ADGRL2: variants seen among roughly 807,000 people sequenced by gnomAD.
The protein encoded by ADGRL2 is calcium-independent alpha-latrotoxin receptor 2.
ADGRL2 carries 44 observed loss-of-function variants against 157.4 expected under a neutral mutation model. The observed-to-expected ratio is 0.28, with a 90% CI of 0.22 to 0.36. The LOEUF is 0.36. ADGRL2 is among the 10% of genes least tolerant of loss of function. ADGRL2 has a pLI of 1.00. For missense variants in ADGRL2, 1,510 were observed against 1,768.9 expected (o/e 0.85, Z 2.63); for synonymous variants, 585 against 624.7 (o/e 0.94, Z 0.95).
At chr1:81,823,323 C>T (rs1248052710) in intron 1 of ADGRL2, among the ~76,000 whole-genome samples, 1 of 149,046 alleles carries the variant, frequency 6.7e-6, no homozygotes. Flanking sequence ...TTTTTTCTCT[C>T]CTTCCTTCCT....
At chr1:81,474,274 G>C (rs1408271839) in intron 2 of ADGRL2, among the ~76,000 whole-genome samples, 2 of 152,188 alleles carry the variant, frequency 1.3e-5, no homozygotes, top group East Asian at 1.9e-4. Context: ...TTTATTGTCT[G>C]TCTCCCCCAT....
Position 81,710,284 on chromosome 1 carries a change from CT to C in ADGRL2, c.-143+10481del, listed in dbSNP as rs71812373. ...CCTTTCTATAGCAGTGTTTCTCAAA[CT>C]TTTTGAGCTAATAACCCATTTCTAC... On this transcript the variant is annotated intron_variant, in intron 1 of 20. Transcript: ENST00000359929. Among the ~76,000 whole-genome samples the C allele has an allele frequency of 5.9e-3, 898 of 152,092 alleles. 22 individuals carry two copies. The East Asian group carries it at 0.08, about 13-fold the overall frequency.
At chr1:81,775,033 T>C (rs1263071853) in intron 2 of ADGRL2, among the ~76,000 whole-genome samples, 1 of 152,180 alleles carries the variant, frequency 6.6e-6, no homozygotes, top group Non-Finnish European at 1.5e-5. Context: ...TTATTTCTCT[T>C]GTAGTTGTTT....
intron 4 of ADGRL2, 74 bp from the exon 5 acceptor site, chr1:81,941,960 G>A: frequency 2.8e-6 from 2 of 704,420 alleles, no homozygotes; most frequent in Middle Eastern, 2.4e-4. Flanking sequence ...TAGACTAATA[G>A]TCAATTTATT....
intron 3 of ADGRL2, among the ~76,000 whole-genome samples, chr1:81,600,692 T>G (rs949630738): frequency 6.6e-6 from 1 of 152,210 alleles, no homozygotes; most frequent in Admixed American, 6.5e-5. Context: ...GAATGAGAGA[T>G]AAAACATGCC....
intron 1 of ADGRL2, among the ~76,000 whole-genome samples, chr1:81,802,058 C>A (rs34883869): frequency 8.0e-5 from 12 of 150,342 alleles, no homozygotes; most frequent in Non-Finnish European, 1.5e-4. Flanking sequence ...GCTGCGGCGC[C>A]GTGTCCGGCC....
intron 23 of ADGRL2, chr1:81,989,762 C>T (rs547970032): frequency 6.3e-7 from 1 of 1,597,008 alleles, no homozygotes; most frequent in South Asian, 1.1e-5. Flanking sequence ...CTTGTGGGCC[C>T]CTGGTCCAGT....
intron 1 of ADGRL2, among the ~76,000 whole-genome samples, chr1:81,365,838 C>G (rs986037772): frequency 7.9e-5 from 12 of 152,146 alleles, no homozygotes; most frequent in Admixed American, 7.9e-4. Context: ...ATCTGATTTT[C>G]AACACATTAA....
At chr1:81,653,545 G>A (rs2082466481) in intron 3 of ADGRL2, among the ~76,000 whole-genome samples, 1 of 152,124 alleles carries the variant, frequency 6.6e-6, no homozygotes, top group African/African-American at 2.4e-5. Flanking sequence ...ACACTGGAAA[G>A]GGACCTAAGA....
At chr1:81,419,383 CTT>C (rs915571626) in intron 1 of ADGRL2, among the ~76,000 whole-genome samples, 3 of 151,852 alleles carry the variant, frequency 2.0e-5, no homozygotes, top group African/African-American at 7.3e-5. Context: ...TTTGTGTTTT[CTT>C]TTAGTGGAAA....
intron 3 of ADGRL2, among the ~76,000 whole-genome samples, chr1:81,610,987 C>T (rs2081530328): frequency 6.6e-6 from 1 of 152,138 alleles, no homozygotes; most frequent in South Asian, 2.1e-4. Context: ...ATATTAGGAA[C>T]TACTTGTAAG....
At chr1:81,788,876 C>T (rs2087188339) in intron 2 of ADGRL2, among the ~76,000 whole-genome samples, 1 of 152,050 alleles carries the variant, frequency 6.6e-6, no homozygotes, top group African/African-American at 2.4e-5. Context: ...CCACCAAGCC[C>T]AGCTAATTTT....
At chr1:81,662,692 T>C (rs966655383) in intron 3 of ADGRL2, among the ~76,000 whole-genome samples, 7 of 151,686 alleles carry the variant, frequency 4.6e-5, no homozygotes, top group Admixed American at 1.3e-4. Flanking sequence ...GTAGGTGGGA[T>C]TACAGGTGCC....
Position 81,969,503 on chromosome 1 carries a change from G to GGCAATATT in ADGRL2, c.2733+118_2733+125dup, listed in dbSNP as rs1658107065. On this transcript the variant is annotated intron_variant, in intron 15 of 23. Coordinates refer to ENST00000686636, the MANE Select transcript of ADGRL2 (RefSeq NM_001366006.2). The stretch of plus-strand genomic sequence containing the variant: ...CCTTGTAACTTGATAGAATTGATAC[G>GGCAATATT]GCAATATTGAAAGACAATTTGTAGT... The GGCAATATT allele has an allele frequency of 1.5e-5, 10 of 649,392 alleles. No individual in the cohort carries two copies. The Middle Eastern group carries it at 2.2e-3, about 145-fold the overall frequency. The allele number at this position is 649,392 out of a possible 1,614,324, so 40.2% of individuals were successfully genotyped here.
At chr1:81,695,462 C>A (rs1243085000), upstream of ADGRL2, among the ~76,000 whole-genome samples, 5 of 152,048 alleles carry the variant, frequency 3.3e-5, no homozygotes, top group Non-Finnish European at 7.4e-5. Flanking sequence ...AGGACCTTGC[C>A]TTATATTGCT....
At chr1:81,771,715 C>A (rs989900901) in intron 2 of ADGRL2, among the ~76,000 whole-genome samples, 1 of 152,084 alleles carries the variant, frequency 6.6e-6, no homozygotes, top group African/African-American at 2.4e-5. Context: ...GAGAGTGCAA[C>A]CTTATCCTAT....
chr1:81,895,473 A>T (rs1289694832), intron 2 of ADGRL2, among the ~76,000 whole-genome samples: 2 of 135,454 alleles, frequency 1.5e-5, no homozygotes, highest in African/African-American at 5.7e-5. Context: ...GTCTCGGCTC[A>T]CTACAACCTC....
At chr1:81,349,642 A>T in intron 1 of ADGRL2, among the ~76,000 whole-genome samples, 1 of 147,154 alleles carries the variant, frequency 6.8e-6, no homozygotes, top group Non-Finnish European at 1.5e-5. Flanking sequence ...ACACACACAC[A>T]CACACACACA....
At chr1:81,392,890 T>C (rs1391392127) in intron 1 of ADGRL2, among the ~76,000 whole-genome samples, 2 of 152,146 alleles carry the variant, frequency 1.3e-5, no homozygotes, top group African/African-American at 2.4e-5. Flanking sequence ...TCTCAACTTA[T>C]TGATTCACAA....
Sources: allele counts gnomAD v4.1 joint callset (sites outside exome capture counted in the v4.1 genomes callset), GRCh38; gene constraint gnomAD v4.1.1; transcripts MANE v1.5; gene names NCBI Gene and HGNC (gene_info 2026-07-23, HGNC 2026-07-21).